PLAGL1: variants seen among roughly 807,000 people sequenced by gnomAD.
PLAGL1 encodes zinc finger protein PLAGL1.
Under a neutral mutation model 4.6 loss-of-function variants are expected in PLAGL1, and 1 was observed. The observed-to-expected ratio is 0.22, with a 90% CI of 0.08 to 1.03. PLAGL1 has a LOEUF of 1.03. Ranked by LOEUF, PLAGL1 falls within the 50% of genes least tolerant of loss-of-function variation. The probability of loss-of-function intolerance (pLI) is 0.58; values close to 1 mark genes in which losing one functional copy is unlikely to be tolerated. For synonymous variants in PLAGL1, 240 were observed against 237.8 expected (o/e 1.01, Z -0.08); for missense variants, 464 against 570.4 (o/e 0.81, Z 1.90).
chr6:144,049,080 G>C (rs985062451), intron 1 of PLAGL1, among the ~76,000 whole-genome samples: 1 of 152,192 alleles, frequency 6.6e-6, no homozygotes, highest in African/African-American at 2.4e-5. Flanking sequence ...GATCTCTAGG[G>C]CAGGGGCAAA....
chr6:143,987,437 CTT>C (rs71024883), intron 1 of PLAGL1, among the ~76,000 whole-genome samples: 33 of 73,952 alleles, frequency 4.5e-4, no homozygotes, highest in East Asian at 3.8e-3. Flanking sequence ...ACCACACTGG[CTT>C]TTTTTTTTTT....
chr6:144,000,786 G>A lies in PLAGL1; in HGVS notation c.-584+7304C>T, dbSNP rs1005925149. On this transcript the variant is annotated intron_variant, in intron 1 of 7. Coordinates refer to ENST00000674357, the MANE Select transcript of PLAGL1 (RefSeq NM_001317162.2). This position sits in a 1 kb window ranked among gnomAD's most constrained non-coding sequence, Gnocchi z 4.1. ...GGAAGATTTGTTCAGGAAATATGGA[G>A]AGCTAGACATTCTAAAACAAACCTT... is the stretch of plus-strand genomic sequence containing the variant. Among the ~76,000 whole-genome samples the A allele has an allele frequency of 3.9e-5, 6 of 152,100 alleles. No homozygotes were observed. Among genetic ancestry groups the A allele is most frequent in the African/African-American group, 1.2e-4 (5 of 41,430 alleles).
chr6:143,977,435 ACTT>A (rs1562479050), intron 2 of PLAGL1, among the ~76,000 whole-genome samples: 1 of 123,272 alleles, frequency 8.1e-6, no homozygotes, highest in African/African-American at 3.1e-5. Flanking sequence ...TTGATAGCTC[ACTT>A]CTTTTTTTTT....
rs569490803 is a variant in PLAGL1, at chr6:144,007,498, C to G, written c.-584+592G>C. ...TGATGAGAAAAAATATTCAAAATTA[C>G]AGGAGTATATTCAGTAAAAGGTAGA... On this transcript the variant is annotated intron_variant, in intron 1 of 7. Transcript: ENST00000674357. 4.6e-5 allele frequency: 7 copies of G among 152,282 alleles called. No homozygotes were observed. In the South Asian group the frequency reaches 1.4e-3, roughly 32 times the overall value. The allele number at this position is 152,282 out of a possible 1,614,324, so 9.4% of individuals were successfully genotyped here.
rs950156551 is a variant in PLAGL1, at chr6:143,983,601, G to C, written c.-544+1534C>G. On this transcript the variant is annotated intron_variant, in intron 2 of 7. Coordinates refer to ENST00000674357, the MANE Select transcript of PLAGL1 (RefSeq NM_001317162.2). This position sits in a 1 kb window ranked among gnomAD's most constrained non-coding sequence, Gnocchi z 6.6. The stretch of plus-strand genomic sequence containing the variant: ...TGGAATCAGCAAACAAAGGCACTGG[G>C]ATATAGATGGCTAAGTACAACAAAG... 6.6e-6 allele frequency among the ~76,000 whole-genome samples: 1 copy of C among 152,144 alleles called. No homozygotes were observed. The highest frequency in any genetic ancestry group is 1.5e-5 in the Non-Finnish European group (1 of 68,022).
Position 144,048,284 on chromosome 6 carries a change from C to T in PLAGL1, c.-151+16184G>A, listed in dbSNP as rs781020443. Among the ~76,000 whole-genome samples the T allele has an allele frequency of 7.8e-4, 119 of 152,292 alleles. No individual in the cohort carries two copies. The highest frequency in any genetic ancestry group is 3.4e-3 in the Middle Eastern group (1 of 294). ...CAGTGCAAGCTGTCAGTGGATCTAG[C>T]ATTCTGGGATCTGGAGGACAGTGGC... On this transcript the variant is annotated intron_variant, in intron 1 of 3. Coordinates refer to the PLAGL1 transcript ENST00000437412. The surrounding 1 kb of genome is among the most constrained non-coding windows in gnomAD (Gnocchi z 4.8).
chr6:143,941,793 T>A lies in PLAGL1; in HGVS notation c.1023A>T (p.Ser341=), dbSNP rs138688804. 4.3e-6 allele frequency: 7 copies of A among 1,614,230 alleles called. No homozygotes were observed. The highest frequency in any genetic ancestry group is 3.3e-4 in the Middle Eastern group (2 of 6,062). The change falls in exon 8 of 8, where the codon TCA becomes TCT. Residue 341 remains serine, a synonymous_variant. Coordinates refer to ENST00000674357, the MANE Select transcript of PLAGL1 (RefSeq NM_001317162.2). The surrounding 1 kb of genome is among the most constrained non-coding windows in gnomAD (Gnocchi z 6.0). The part of the protein sequence containing the change: ...FEDLPLQEPQ[S]PQKLNPGFDL... ...CAAAACCTGGGTTGAGCTTTTGAGG[T>A]GACTGAGGCTCTTGCAGAGGCAAGT...
chr6:143,967,331 G>C (rs542462764), intron 3 of PLAGL1: 34 of 152,232 alleles, frequency 2.2e-4, no homozygotes, highest in African/African-American at 8.2e-4. Flanking sequence ...CGATGGGTAA[G>C]CTCACAATTA....
chr6:144,044,298 T>C (rs1797962376), intron 1 of PLAGL1, among the ~76,000 whole-genome samples: 2 of 152,222 alleles, frequency 1.3e-5, no homozygotes, highest in African/African-American at 4.8e-5. Flanking sequence ...CTTTCCTGCT[T>C]TGTCTTGTGG....
chr6:144,062,587 A>G (rs1799514702), intron 1 of PLAGL1, among the ~76,000 whole-genome samples: 1 of 150,920 alleles, frequency 6.6e-6, no homozygotes, highest in Non-Finnish European at 1.5e-5. Context: ...CCTCCCTTGG[A>G]TGCTTTTCCC....
rs1447678931 is a variant in PLAGL1, at chr6:143,948,214, T to C, written c.-78A>G. On this transcript the variant is annotated 5_prime_UTR_variant, in exon 7 of 8. Transcript: ENST00000674357. This position sits in a 1 kb window ranked among gnomAD's most constrained non-coding sequence, Gnocchi z 6.0. ...CATTTAAGCACAAACAGAACGATGG[T>C]GCTGGGCACATCAGCAGAGTCCCTG... 3 of 1,357,928 alleles carry C rather than the reference T, an allele frequency of 2.2e-6. No homozygotes were observed. The highest frequency in any genetic ancestry group is 3.1e-6 in the Non-Finnish European group (3 of 962,518). 84.1% of individuals were successfully genotyped at this position (1,357,928 alleles called of 1,614,324 possible).
At position 143,961,496 on chromosome 6, in the gene PLAGL1, GA is replaced by G. The variant is rs1182804769; in HGVS notation, c.-398-955del. ...AGAACATCCTTTTAAGTTAAAAATG[GA>G]AAAACCAAGGCCATTTTGGGACAAC... On this transcript the variant is annotated intron_variant, in intron 5 of 7. Coordinates refer to ENST00000674357, the MANE Select transcript of PLAGL1 (RefSeq NM_001317162.2). The surrounding 1 kb of genome is among the most constrained non-coding windows in gnomAD (Gnocchi z 6.5). 6.6e-6 allele frequency: 1 copy of G among 152,178 alleles called. No homozygotes were observed. Among genetic ancestry groups the G allele is most frequent in the Non-Finnish European group, 1.5e-5 (1 of 68,018 alleles). The allele number at this position is 152,178 out of a possible 1,614,324, so 9.4% of individuals were successfully genotyped here. A position where few individuals can be genotyped will look rare whatever the true frequency, so the allele number is the denominator to read the frequency against.
At chr6:143,981,925 T>C (rs946807296) in intron 2 of PLAGL1, among the ~76,000 whole-genome samples, 1 of 152,168 alleles carries the variant, frequency 6.6e-6, no homozygotes, top group Non-Finnish European at 1.5e-5. Context: ...GGGATATATA[T>C]GGTGGACTTG....
intron 1 of PLAGL1, among the ~76,000 whole-genome samples, chr6:144,019,833 C>A (rs1203229020): frequency 6.6e-6 from 1 of 151,134 alleles, no homozygotes; most frequent in East Asian, 1.9e-4. Context: ...ATTCAGCCAT[C>A]TGATTATGAT....
Position 143,957,017 on chromosome 6 carries a change from T to G in PLAGL1, c.-325+3452A>C, listed in dbSNP as rs2128546630. On this transcript the variant is annotated intron_variant, in intron 6 of 7. Coordinates refer to ENST00000674357, the MANE Select transcript of PLAGL1 (RefSeq NM_001317162.2). This position sits in a 1 kb window ranked among gnomAD's most constrained non-coding sequence, Gnocchi z 4.2. ...CCCCACGAAAGGGCCAAAGGCCTTC[T>G]TCCAGATGGGTCATCCAGTATAGTA... Among the ~76,000 whole-genome samples the G allele has an allele frequency of 6.6e-6, 1 of 152,374 alleles. No homozygotes were observed. The highest frequency in any genetic ancestry group is 2.1e-4 in the South Asian group (1 of 4,828).
Position 144,004,469 on chromosome 6 carries a change from G to T in PLAGL1, c.-584+3621C>A, listed in dbSNP as rs1348805599. On this transcript the variant is annotated intron_variant, in intron 1 of 7. Transcript: ENST00000674357. This position sits in a 1 kb window ranked among gnomAD's most constrained non-coding sequence, Gnocchi z 4.2. The stretch of plus-strand genomic sequence containing the variant: ...CAAAAATTCTTATACATGCAACATG[G>T]ATGAATACAATGTGAACAAAAGAAT... Among the ~76,000 whole-genome samples, 1 of 152,190 alleles carries T rather than the reference G, an allele frequency of 6.6e-6. No individual in the cohort carries two copies. The highest frequency in any genetic ancestry group is 1.9e-4 in the East Asian group (1 of 5,202).
In PLAGL1 at chr6:144,059,300, G is replaced by T. The variant is rs1198609562; in HGVS notation, c.-151+5168C>A. ...ATGTGAGGAGCAGCTTCCCAGGGTG[G>T]TGCAGGGCATCAGGGCCCCAGGCCT... is the stretch of plus-strand genomic sequence containing the variant. On this transcript the variant is annotated intron_variant, in intron 1 of 3. Coordinates refer to the PLAGL1 transcript ENST00000437412. This position sits in a 1 kb window ranked among gnomAD's most constrained non-coding sequence, Gnocchi z 4.9. 6.6e-6 allele frequency among the ~76,000 whole-genome samples: 1 copy of T among 152,242 alleles called. No homozygotes were observed. Among genetic ancestry groups the T allele is most frequent in the African/African-American group, 2.4e-5 (1 of 41,464 alleles).
chr6:143,951,118 CTGTGT>C (rs1780981176), intron 6 of PLAGL1, among the ~76,000 whole-genome samples: 2 of 69,602 alleles, frequency 2.9e-5, no homozygotes, highest in South Asian at 7.0e-4. Context: ...CCCATGTTAT[CTGTGT>C]CGAGTTTCAG....
intron 1 of PLAGL1, among the ~76,000 whole-genome samples, chr6:144,054,694 G>A (rs1386191944): frequency 6.6e-6 from 1 of 151,554 alleles, no homozygotes; most frequent in Admixed American, 6.6e-5. Context: ...AGCAAACCAT[G>A]GCACACATAT....
Sources: gnomAD v4.1 joint callset for allele counts (sites outside exome capture counted in the v4.1 genomes callset) on GRCh38, gnomAD v4.1.1 for gene constraint, Gnocchi (gnomAD v3.1) non-coding constraint, MANE v1.5 for transcripts, NCBI Gene and HGNC (gene_info 2026-07-23, HGNC 2026-07-21) for gene names.